Variants in SOHLH1 observed in about 807,000 individuals in gnomAD.
The protein encoded by SOHLH1 is spermatogenesis- and oogenesis-specific basic helix-loop-helix-containing protein 1.
In SOHLH1, 23 loss-of-function variants were observed where a neutral mutation model predicts 36.2. That is an observed-to-expected ratio of 0.64 (90% CI 0.46 to 0.90). The LOEUF is 0.90. Among genes scored for constraint, SOHLH1 ranks in the 40% least tolerant of loss-of-function variants. The pLI is 0.00. For missense variants in SOHLH1, 608 were observed against 517.0 expected, an observed-to-expected ratio of 1.18 and a Z score of -1.71; for synonymous variants, 289 against 228.3, an observed-to-expected ratio of 1.27 and a Z score of -2.40.
At chr9:135,699,646 C>T (rs920515802), upstream of SOHLH1, 1 of 682,620 alleles carries the variant, frequency 1.5e-6, no homozygotes, top group African/African-American at 1.8e-5. Flanking sequence ...GCCCGGGGCC[C>T]ACGTGACCCG....
chr9:135,698,844 G>A lies in SOHLH1; in HGVS notation c.197+151C>T, dbSNP rs113564570. ...GGATGTTCCCCAACAGGGCTTTTCT[G>A]GTTTACTTGGAGATGTGCAGTCTGT... is the stretch of plus-strand genomic sequence containing the variant. On this transcript the variant is annotated intron_variant, in intron 2 of 7. Coordinates refer to ENST00000425225, the MANE Select transcript of SOHLH1 (RefSeq NM_001101677.2). 3.4e-3 allele frequency: 3,978 copies of A among 1,153,680 alleles called. 100 individuals are homozygous for A. In the African/African-American group the frequency reaches 0.054, roughly 16 times the overall value. 71.5% of individuals were successfully genotyped at this position (1,153,680 alleles called of 1,614,324 possible).
chr9:135,697,431 A>C lies in SOHLH1; in HGVS notation c.467+75T>G, dbSNP rs1012418328. 5 of 1,574,104 alleles carry C rather than the reference A, an allele frequency of 3.2e-6. No homozygotes were observed. In the African/African-American group the frequency reaches 6.7e-5, roughly 21 times the overall value. On this transcript the variant is annotated intron_variant, in intron 4 of 7. Coordinates refer to ENST00000425225, the MANE Select transcript of SOHLH1 (RefSeq NM_001101677.2). ...GCCTCCAGGCCACACCCTCCCGAGGACATGCCAGGGGGCTTTGGGTCTGCT... is the reference window on the plus strand; with the variant it reads ...GCCTCCAGGCCACACCCTCCCGAGGCCATGCCAGGGGGCTTTGGGTCTGCT...
chr9:135,695,771 G>A (rs1014665477), intron 5 of SOHLH1, among the ~76,000 whole-genome samples: 40 of 152,140 alleles, frequency 2.6e-4, no homozygotes, highest in Non-Finnish European at 5.1e-4. Flanking sequence ...AGCAGGGGCC[G>A]AGGGGAGTTC....
rs998791802 is a variant in SOHLH1, at chr9:135,698,194, G to A, written c.345+135C>T. 28 of 1,202,978 alleles carry A rather than the reference G, an allele frequency of 2.3e-5. 1 individual carries two copies. The highest frequency in any genetic ancestry group is 2.2e-4 in the Middle Eastern group (1 of 4,472). 74.5% of individuals were successfully genotyped at this position (1,202,978 alleles called of 1,614,324 possible). A position where few individuals can be genotyped will look rare whatever the true frequency, so the allele number is the denominator to read the frequency against. On this transcript the variant is annotated intron_variant, in intron 3 of 7. Transcript: ENST00000425225. ...AATCAGGAAGTGCCCTGCCGAAAAC[G>A]TGGCCTGCTCTAGCCGTGGAGACCC...
rs376015424 is a variant in SOHLH1, at chr9:135,698,485, G to C, written c.198-9C>G. 2.5e-6 allele frequency: 4 copies of C among 1,613,052 alleles called. No homozygotes were observed. In the South Asian group the frequency reaches 4.4e-5, roughly 18 times the overall value. ...TCAACGACATCCGCTTCCTGGTTCCGGTCAAGAAACAAATACCTCTGGGCC... is the reference window on the plus strand; with the variant it reads ...TCAACGACATCCGCTTCCTGGTTCCCGTCAAGAAACAAATACCTCTGGGCC... On this transcript the variant is annotated splice_polypyrimidine_tract_variant and intron_variant, in intron 2 of 7. Coordinates refer to ENST00000425225, the MANE Select transcript of SOHLH1 (RefSeq NM_001101677.2).
At chr9:135,698,923 C>G in intron 2 of SOHLH1, 72 bp downstream of exon 2, 1 of 1,605,432 alleles carries the variant, frequency 6.2e-7, no homozygotes, top group Non-Finnish European at 8.5e-7. Flanking sequence ...CACCTGGTGG[C>G]AGCCCCGAAC....
rs774562700 is a variant in SOHLH1, at chr9:135,696,735, C to CG, written c.537dup (p.Val180ArgfsTer25). The CG allele has an allele frequency of 6.2e-7, 1 of 1,613,052 alleles. No individual in the cohort carries two copies. Among genetic ancestry groups the CG allele is most frequent in the South Asian group, 1.1e-5 (1 of 91,088 alleles). ...CTGGAGGACGCAAGGATGTGCGGCA[C>CG]GGGCTCTGGGCTGGCCGACGCTGGA... On this transcript the variant is annotated frameshift_variant, in exon 5 of 8. Transcript: ENST00000425225. LOFTEE classifies it high-confidence loss of function.
At chr9:135,698,075 C>A (rs1588234077) in intron 3 of SOHLH1, among the ~76,000 whole-genome samples, 1 of 152,208 alleles carries the variant, frequency 6.6e-6, no homozygotes, top group African/African-American at 2.4e-5. Flanking sequence ...ATCTCGGCAA[C>A]CCATCAATGA....
intron 5 of SOHLH1, among the ~76,000 whole-genome samples, chr9:135,696,320 G>A (rs186919489): frequency 1.4e-3 from 216 of 152,138 alleles, no homozygotes; most frequent in African/African-American, 4.9e-3. Flanking sequence ...GTCCCAGGAG[G>A]AGACAGGATA....
chr9:135,697,518 G>A lies in SOHLH1; in HGVS notation c.455C>T (p.Ser152Phe). 2 of 1,611,480 alleles carry A rather than the reference G, an allele frequency of 1.2e-6. No individual in the cohort carries two copies. The highest frequency in any genetic ancestry group is 1.7e-6 in the Non-Finnish European group (2 of 1,179,590). Residue 152 changes from serine (S) to phenylalanine (F), a missense_variant, in exon 4 of 8, where the codon TCC (serine) becomes TTC (phenylalanine). Ser to Phe is a radical substitution (Grantham distance 155). Transcript: ENST00000425225. ...AGVPDPGTGASSGTRTPDVKA... is the reference protein window; with the variant it reads ...AGVPDPGTGAFSGTRTPDVKA... The stretch of plus-strand genomic sequence containing the variant: ...AGGAGACACTAACCGAGTCCCGCTG[G>A]ACGCTCCCGTCCCAGGGTCTGGCAC...
chr9:135,694,155 G>T, intron 7 of SOHLH1: 16 of 1,434,982 alleles, frequency 1.1e-5, no homozygotes, highest in Non-Finnish European at 1.5e-5. Context: ...TCCAAGCACC[G>T]CCAGCTCTCA....
At chr9:135,695,723 G>A (rs1331225588) in intron 5 of SOHLH1, among the ~76,000 whole-genome samples, 2 of 152,156 alleles carry the variant, frequency 1.3e-5, no homozygotes, top group Non-Finnish European at 2.9e-5. Flanking sequence ...GCACAGCCCT[G>A]CCTCTCATGG....
In SOHLH1 at chr9:135,695,974, CAG is replaced by C. The variant is rs143474725; in HGVS notation, c.661+636_661+637del. Among the ~76,000 whole-genome samples, 19 of 152,310 alleles carry C rather than the reference CAG, an allele frequency of 1.2e-4. No homozygotes were observed. In the East Asian group the frequency reaches 3.7e-3, roughly 29 times the overall value. On this transcript the variant is annotated intron_variant, in intron 5 of 7. Transcript: ENST00000425225. ...GGCAGATGGGGCGCCCCGGGGAAAACAGATCTCCGGCCACATCCAAAACACAC... is the reference window on the plus strand; with the variant it reads ...GGCAGATGGGGCGCCCCGGGGAAAACATCTCCGGCCACATCCAAAACACAC...
At chr9:135,699,800 T>C (rs184497787), upstream of SOHLH1, among the ~76,000 whole-genome samples, 111 of 151,952 alleles carry the variant, frequency 7.3e-4, no homozygotes, top group Admixed American at 1.6e-3. Context: ...TTCCCACTTA[T>C]GCGGTGGTCT....
chr9:135,697,915 C>T (rs548623512), intron 3 of SOHLH1, among the ~76,000 whole-genome samples: 1 of 152,160 alleles, frequency 6.6e-6, no homozygotes, highest in South Asian at 2.1e-4. Context: ...AGGTCCTCAG[C>T]CCCAGCACTC....
upstream of SOHLH1, among the ~76,000 whole-genome samples, chr9:135,701,243 C>T (rs1835025249): frequency 6.6e-6 from 1 of 152,172 alleles, no homozygotes; most frequent in African/African-American, 2.4e-5. Context: ...CCCTCAAAAG[C>T]ATCTGTGTTC....
intron 2 of SOHLH1, 42 bp downstream of exon 2, chr9:135,698,953 C>A: frequency 1.9e-6 from 3 of 1,610,748 alleles, no homozygotes; most frequent in Non-Finnish European, 2.5e-6. Context: ...CCCGCTCCAC[C>A]CCTTTACAGC....
At chr9:135,701,424 A>G (rs995446579), upstream of SOHLH1, among the ~76,000 whole-genome samples, 2 of 152,174 alleles carry the variant, frequency 1.3e-5, no homozygotes, top group African/African-American at 2.4e-5. Context: ...GCAAACCAAC[A>G]AAGCTCTGGG....
At chr9:135,695,510 T>G (rs186238151) in intron 5 of SOHLH1, among the ~76,000 whole-genome samples, 15 of 152,036 alleles carry the variant, frequency 9.9e-5, no homozygotes, top group East Asian at 7.8e-4. Context: ...CTAGAGGGGG[T>G]GCTGGCTTGG....
Sources: gnomAD v4.1 joint callset for allele counts (sites outside exome capture counted in the v4.1 genomes callset) on GRCh38, gnomAD v4.1.1 for gene constraint, MANE v1.5 for transcripts, NCBI Gene and HGNC (gene_info 2026-07-23, HGNC 2026-07-21) for gene names.